The following NDC80 variants were observed in gnomAD, a reference collection of about 807,000 sequenced individuals.
The protein encoded by NDC80 is kinetochore protein NDC80 homolog.
Under a neutral mutation model 89.3 loss-of-function variants are expected in NDC80, and 69 were observed. The observed-to-expected ratio is 0.77, with a 90% CI of 0.64 to 0.94. NDC80 has a LOEUF of 0.94. Among genes scored for constraint, NDC80 ranks in the 40% least tolerant of loss-of-function variants. The probability of loss-of-function intolerance (pLI) is 0.00; values close to 1 mark genes in which losing one functional copy is unlikely to be tolerated. For missense variants in NDC80, 593 were observed against 739.6 expected (o/e 0.80, Z 2.30); for synonymous variants, 243 against 255.6 (o/e 0.95, Z 0.47).
chr18:2,577,776 A>G lies in NDC80; in HGVS notation c.210A>G (p.Gln70=), dbSNP rs751917513. ...GTGGACATGGATCCCGGAATAGTCA[A>G]CTTGGTATATTTTCCAGTTCTGAGA... is the stretch of plus-strand genomic sequence containing the variant. ...RTSGHGSRNS[Q]LGIFSSSEKI... is the part of the protein sequence containing the mutation. Residue 70 remains glutamine, a synonymous_variant, in exon 4 of 17, where the codon CAA becomes CAG. Transcript: ENST00000261597. 1 of 1,614,150 alleles carries G rather than the reference A, an allele frequency of 6.2e-7. No individual in the cohort carries two copies.
chr18:2,614,797 T>A (rs1481685250), intron 16 of NDC80, among the ~76,000 whole-genome samples: 1 of 152,090 alleles, frequency 6.6e-6, no homozygotes, highest in Non-Finnish European at 1.5e-5. Context: ...TCACAGAAGG[T>A]GAGCTTATTT....
In NDC80 at chr18:2,608,745, T is replaced by C; in HGVS notation, c.1603T>C (p.Leu535=). The C allele has an allele frequency of 1.9e-6, 3 of 1,613,128 alleles. No homozygotes were observed. The highest frequency in any genetic ancestry group is 1.7e-6 in the Non-Finnish European group (2 of 1,179,256). Residue 535 remains leucine, a synonymous_variant, in exon 15 of 17, where the codon TTG becomes CTG. Coordinates refer to ENST00000261597, the MANE Select transcript of NDC80 (RefSeq NM_006101.3). ...DEKCASELES[L]EKHKHLLEST... ...AAAATGTGCCAGTGAGCTTGAGTCC[T>C]TGGAGAAACACAAGCACCTGCTAGA...
rs921591307 is a variant in NDC80 at position 2,601,809 on chromosome 18, G to A, written c.1464+324G>A. Among the ~76,000 whole-genome samples, 5 of 151,972 alleles carry A rather than the reference G, an allele frequency of 3.3e-5. No homozygotes were observed. In the East Asian group the frequency reaches 7.7e-4, roughly 23 times the overall value. ...CTTCAAGTGGCTACCTTGAAAGTAG[G>A]CAAGTATAATTACGGCGTTAGAAGC... On this transcript the variant is annotated intron_variant, in intron 13 of 16. Coordinates refer to ENST00000261597, the MANE Select transcript of NDC80 (RefSeq NM_006101.3).
In NDC80 at chr18:2,590,086, C is replaced by T; in HGVS notation, c.939C>T (p.Tyr313=). 6.2e-7 allele frequency: 1 copy of T among 1,602,898 alleles called. No homozygotes were observed. Among genetic ancestry groups the T allele is most frequent in the East Asian group, 2.3e-5 (1 of 44,110 alleles). ...LQGDVQKYQA[Y]MSNLESHSAI... ...GAGATGTTCAAAAGTATCAGGCATA[C>T]ATGAGCAATTTGGAGTCTCATTCAG... is the stretch of plus-strand genomic sequence containing the variant. Residue 313 remains tyrosine, a synonymous_variant, in exon 10 of 17, where the codon TAC becomes TAT. Coordinates refer to ENST00000261597, the MANE Select transcript of NDC80 (RefSeq NM_006101.3).
At chr18:2,615,152 T>G (rs377171563) in intron 16 of NDC80, 1 of 152,222 alleles carries the variant, frequency 6.6e-6, no homozygotes. Flanking sequence ...CCACCTAGTT[T>G]GTGGCAATTT....
chr18:2,601,412 T>C lies in NDC80; in HGVS notation c.1391T>C (p.Leu464Pro). 1 of 1,515,114 alleles carries C rather than the reference T, an allele frequency of 6.6e-7. No homozygotes were observed. The highest frequency in any genetic ancestry group is 9.0e-7 in the Non-Finnish European group (1 of 1,114,200). 93.9% of individuals were successfully genotyped at this position (1,515,114 alleles called of 1,614,324 possible). The change falls in exon 13 of 17, where the codon CTC becomes CCC. Residue 464 changes from leucine to proline, a missense_variant. Coordinates refer to ENST00000261597, the MANE Select transcript of NDC80 (RefSeq NM_006101.3). ...ATTTTATAGGTACCTCTTAAGGAACTCCTGAATGAAACTGAAGAAGAAATT... is the reference window on the plus strand; with the variant it reads ...ATTTTATAGGTACCTCTTAAGGAACCCCTGAATGAAACTGAAGAAGAAATT... ...RAQVYVPLKE[L>P]LNETEEEINK...
chr18:2,597,424 T>C (rs1338337311), intron 11 of NDC80, among the ~76,000 whole-genome samples: 2 of 152,162 alleles, frequency 1.3e-5, no homozygotes, highest in African/African-American at 4.8e-5. Flanking sequence ...ATTACTATCA[T>C]TCTCTAAAAG....
At position 2,578,848 on chromosome 18, in the gene NDC80, T is replaced by C. The variant is rs901491116; in HGVS notation, c.477-79T>C. On this transcript the variant is annotated intron_variant, in intron 5 of 16. Transcript: ENST00000261597. ...GAGTGTGTATGTGGAATTTTTTAAA[T>C]GTAACTTCTTGATTAACCATTATCT... The C allele has an allele frequency of 5.4e-5, 45 of 839,820 alleles. No homozygotes were observed. The Middle Eastern group carries it at 8.7e-4, about 16-fold the overall frequency. The allele number at this position is 839,820 out of a possible 1,614,324, so 52.0% of individuals were successfully genotyped here.
At chr18:2,574,838 A>G (rs1387575733) in intron 2 of NDC80, 151 bp from the exon 3 acceptor site, 2 of 603,752 alleles carry the variant, frequency 3.3e-6, no homozygotes, top group Non-Finnish European at 5.9e-6. Flanking sequence ...TCCTATTTAT[A>G]ACAGCTTTCA....
At chr18:2,573,144 C>A in intron 2 of NDC80, 58 bp downstream of exon 2, 2 of 1,348,684 alleles carry the variant, frequency 1.5e-6, no homozygotes, top group South Asian at 2.5e-5. Context: ...GCAAAGAAAT[C>A]ATAAGAAATA....
chr18:2,578,479 C>G (rs753003341), intron 5 of NDC80, among the ~76,000 whole-genome samples: 3 of 151,998 alleles, frequency 2.0e-5, no homozygotes, highest in Admixed American at 6.5e-5. Flanking sequence ...AAGCCCTGAA[C>G]TGCTGAAGTG....
Position 2,589,230 on chromosome 18 carries a change from A to C in NDC80, c.790A>C (p.Lys264Gln). 6.2e-7 allele frequency: 1 copy of C among 1,613,374 alleles called. No homozygotes were observed. The highest frequency in any genetic ancestry group is 8.5e-7 in the Non-Finnish European group (1 of 1,179,350). The part of the protein sequence containing the change: ...LKDLFNVDAF[K>Q]LESLEAKNRA... ...GGATTTATTTAATGTGGATGCTTTT[A>C]AGCTGGAATCATTAGAAGCAAAAAA... is the stretch of plus-strand genomic sequence containing the variant. Residue 264 changes from lysine to glutamine, a missense_variant, in exon 9 of 17, where the codon AAG becomes CAG. Coordinates refer to ENST00000261597, the MANE Select transcript of NDC80 (RefSeq NM_006101.3).
At chr18:2,602,539 AT>A (rs1265583736) in intron 13 of NDC80, among the ~76,000 whole-genome samples, 1 of 151,980 alleles carries the variant, frequency 6.6e-6, no homozygotes, top group African/African-American at 2.4e-5. Context: ...CTTCATTTTG[AT>A]TTCTGTTTTT....
At chr18:2,573,281 T>G (rs2072528778) in intron 2 of NDC80, among the ~76,000 whole-genome samples, 195 bp downstream of exon 2, 1 of 152,240 alleles carries the variant, frequency 6.6e-6, no homozygotes, top group South Asian at 2.1e-4. Flanking sequence ...TTGTGTCATT[T>G]GTTTCACAAA....
intron 15 of NDC80, 127 bp from the exon 16 acceptor site, chr18:2,610,632 A>G: frequency 2.0e-6 from 1 of 505,980 alleles, no homozygotes; most frequent in Admixed American, 2.9e-5. Flanking sequence ...AATTATACAT[A>G]TAGTATGCAG....
intron 6 of NDC80, among the ~76,000 whole-genome samples, chr18:2,583,822 T>C (rs768546267): frequency 1.9e-4 from 29 of 152,298 alleles, no homozygotes; most frequent in Admixed American, 5.2e-4. Flanking sequence ...TGAATGCCTT[T>C]AGAATAGGAA....
At chr18:2,580,034 A>G (rs1264086146) in intron 6 of NDC80, among the ~76,000 whole-genome samples, 1 of 141,912 alleles carries the variant, frequency 7.0e-6, no homozygotes, top group Non-Finnish European at 1.5e-5. Flanking sequence ...TTGCTTGTAC[A>G]TGGTTTTTCA....
intron 13 of NDC80, among the ~76,000 whole-genome samples, chr18:2,602,332 T>A (rs1350677471): frequency 6.6e-6 from 1 of 152,206 alleles, no homozygotes; most frequent in African/African-American, 2.4e-5. Flanking sequence ...AGACTTACTT[T>A]GTATTAGAAT....
intron 3 of NDC80, among the ~76,000 whole-genome samples, chr18:2,575,913 ACT>A (rs1454571536): frequency 1.3e-5 from 2 of 152,090 alleles, no homozygotes; most frequent in East Asian, 1.9e-4. Flanking sequence ...TGACAGTGAG[ACT>A]CTGTCTCAAA....
Sources: allele counts gnomAD v4.1 joint callset (sites outside exome capture counted in the v4.1 genomes callset), GRCh38; gene constraint gnomAD v4.1.1; transcripts MANE v1.5; gene names NCBI Gene and HGNC (gene_info 2026-07-23, HGNC 2026-07-21).